Variants in FILIP1 observed in about 807,000 individuals in gnomAD.
The protein encoded by FILIP1 is filamin-A-interacting protein 1.
A neutral mutation model predicts 102.1 loss-of-function variants in FILIP1; 61 were observed. The observed-to-expected ratio is 0.60, with a 90% CI of 0.49 to 0.74. The LOEUF is 0.74. Among genes scored for constraint, FILIP1 ranks in the 30% least tolerant of loss-of-function variants. The pLI is 0.00. For synonymous variants in FILIP1, 491 were observed against 526.9 expected, an observed-to-expected ratio of 0.93 and a Z score of 0.93; for missense variants, 1,314 against 1,441.2, an observed-to-expected ratio of 0.91 and a Z score of 1.43.
intron 3 of FILIP1, among the ~76,000 whole-genome samples, chr6:75,359,456 A>G (rs1775109775): frequency 6.6e-6 from 1 of 152,208 alleles, no homozygotes; most frequent in Non-Finnish European, 1.5e-5. Context: ...AAGGCCCTTT[A>G]ATGAAGATTA....
chr6:75,365,941 G>A (rs1775314480), intron 2 of FILIP1: 1 of 152,156 alleles, frequency 6.6e-6, no homozygotes, highest in South Asian at 2.1e-4. Flanking sequence ...CCTATGCACA[G>A]TATCTGTAAG....
chr6:75,372,237 C>T (rs182547588), intron 2 of FILIP1, among the ~76,000 whole-genome samples: 1 of 151,834 alleles, frequency 6.6e-6, no homozygotes, highest in East Asian at 1.9e-4. Context: ...CGTGATGGTG[C>T]ATGCCTGTAA....
At chr6:75,448,095 C>A (rs886256519) in intron 1 of FILIP1, among the ~76,000 whole-genome samples, 5 of 152,100 alleles carry the variant, frequency 3.3e-5, no homozygotes, top group African/African-American at 9.7e-5. Flanking sequence ...AGATAGCATG[C>A]CAGACACTAA....
Position 75,313,545 on chromosome 6 carries a change from T to G in FILIP1, c.2287A>C (p.Lys763Gln). 5.6e-6 allele frequency: 9 copies of G among 1,614,254 alleles called. No homozygotes were observed. Among genetic ancestry groups the G allele is most frequent in the Non-Finnish European group, 7.6e-6 (9 of 1,180,050 alleles). ...QRFMEEENKN[K>Q]NMGQEVLNLT... ...TTGAGAACCTCCTGCCCCATGTTTTTGTTCTTATTTTCTTCTTCCATAAAT... is the reference window on the plus strand; with the variant it reads ...TTGAGAACCTCCTGCCCCATGTTTTGGTTCTTATTTTCTTCTTCCATAAAT... Residue 763 changes from lysine to glutamine, a missense_variant, in exon 5 of 6, where the codon AAA (lysine) becomes CAA (glutamine). This residue lies in a region of FILIP1 where 816 missense variants were observed against 913.1 expected (regional missense o/e 0.89). Coordinates refer to ENST00000237172, the MANE Select transcript of FILIP1 (RefSeq NM_015687.5). The surrounding 1 kb of genome is among the most constrained non-coding windows in gnomAD (Gnocchi z 4.2).
At chr6:75,394,415 T>C (rs1776387978) in intron 2 of FILIP1, among the ~76,000 whole-genome samples, 1 of 152,022 alleles carries the variant, frequency 6.6e-6, no homozygotes. Context: ...TCAGAAGCCA[T>C]AAAACAAAAA....
intron 1 of FILIP1, among the ~76,000 whole-genome samples, chr6:75,420,768 T>C (rs1276979375): frequency 1.3e-5 from 2 of 152,214 alleles, no homozygotes; most frequent in Admixed American, 6.6e-5. Flanking sequence ...TTTGTACATT[T>C]GCTTGTTCTC....
Position 75,372,725 on chromosome 6 carries a change from A to G in FILIP1, c.277-9808T>C, listed in dbSNP as rs1179702684. Among the ~76,000 whole-genome samples, 9 of 67,682 alleles carry G rather than the reference A, an allele frequency of 1.3e-4. 1 individual carries two copies. Among genetic ancestry groups the G allele is most frequent in the African/African-American group, 7.7e-4 (9 of 11,704 alleles). 44.4% of individuals were successfully genotyped at this position (67,682 alleles called of 152,430 possible). A position where few individuals can be genotyped will look rare whatever the true frequency, so the allele number is the denominator to read the frequency against. On this transcript the variant is annotated intron_variant, in intron 2 of 5. Transcript: ENST00000237172. ...AGAAAGAAAGAAAGGAAAGAAAGAGAAAGAGAAAGAAAGAAAGAAAGAAAG... is the reference window on the plus strand; with the variant it reads ...AGAAAGAAAGAAAGGAAAGAAAGAGGAAGAGAAAGAAAGAAAGAAAGAAAG...
At chr6:75,462,235 C>T (rs932182690) in intron 1 of FILIP1, among the ~76,000 whole-genome samples, 1 of 152,126 alleles carries the variant, frequency 6.6e-6, no homozygotes, top group African/African-American at 2.4e-5. Flanking sequence ...ATTTAACAAC[C>T]AATCAGAATG....
At chr6:75,302,260 A>G (rs1562421194) in intron 6 of FILIP1, among the ~76,000 whole-genome samples, 1 of 152,122 alleles carries the variant, frequency 6.6e-6, no homozygotes. Flanking sequence ...AAATGACAGT[A>G]CCTGGACTTC....
chr6:75,303,860 G>A (rs1181190268), downstream of FILIP1, among the ~76,000 whole-genome samples: 2 of 152,032 alleles, frequency 1.3e-5, no homozygotes, highest in Non-Finnish European at 2.9e-5. Context: ...AAAAGAAGTA[G>A]AATATAACCA....
chr6:75,487,334 C>T (rs1019448037), intron 1 of FILIP1, among the ~76,000 whole-genome samples: 1 of 152,104 alleles, frequency 6.6e-6, no homozygotes, highest in Non-Finnish European at 1.5e-5. Context: ...AACTACAGGG[C>T]TCCAAATACA....
At chr6:75,479,868 CAAAAA>C (rs58566488) in intron 1 of FILIP1, among the ~76,000 whole-genome samples, 1 of 42,866 alleles carries the variant, frequency 2.3e-5, no homozygotes, top group Non-Finnish European at 4.3e-5. Context: ...AGCTGTATCT[CAAAAA>C]AAAAAAAAAA....
At chr6:75,345,311 C>T (rs997417498) in intron 4 of FILIP1, among the ~76,000 whole-genome samples, 2 of 151,328 alleles carry the variant, frequency 1.3e-5, no homozygotes, top group African/African-American at 4.9e-5. Flanking sequence ...GTATGGAAGT[C>T]CTTGGTAAGG....
intron 1 of FILIP1, among the ~76,000 whole-genome samples, chr6:75,471,393 C>T (rs1272030711): frequency 6.6e-6 from 1 of 151,960 alleles, no homozygotes; most frequent in Non-Finnish European, 1.5e-5. Flanking sequence ...CACAGAAGAA[C>T]TAATAAAAAT....
chr6:75,336,196 G>A (rs1385046524), intron 4 of FILIP1, among the ~76,000 whole-genome samples: 2 of 152,144 alleles, frequency 1.3e-5, no homozygotes, highest in Non-Finnish European at 2.9e-5. Flanking sequence ...TAGTGCTGGG[G>A]GAAGAGGCGT....
At chr6:75,467,368 T>C (rs921428047) in intron 1 of FILIP1, among the ~76,000 whole-genome samples, 3 of 152,214 alleles carry the variant, frequency 2.0e-5, no homozygotes, top group Non-Finnish European at 4.4e-5. Context: ...GGGTGACTGC[T>C]GACCCACAGG....
At chr6:75,446,606 T>C (rs1044089132) in intron 1 of FILIP1, among the ~76,000 whole-genome samples, 10 of 152,154 alleles carry the variant, frequency 6.6e-5, no homozygotes, top group African/African-American at 2.4e-4. Flanking sequence ...TCCTTGACTT[T>C]CACTTGGACA....
At chr6:75,445,666 G>C (rs1361037478) in intron 1 of FILIP1, among the ~76,000 whole-genome samples, 1 of 149,584 alleles carries the variant, frequency 6.7e-6, no homozygotes, top group Admixed American at 6.6e-5. Flanking sequence ...GCACATCATA[G>C]CCAACACAAT....
At chr6:75,424,575 T>C (rs1045315991) in intron 1 of FILIP1, among the ~76,000 whole-genome samples, 4 of 152,186 alleles carry the variant, frequency 2.6e-5, no homozygotes, top group Admixed American at 2.6e-4. Flanking sequence ...ACTGTTTTTT[T>C]AAAGTAACTG....
Sources: gnomAD v4.1 joint callset for allele counts (sites outside exome capture counted in the v4.1 genomes callset) on GRCh38, gnomAD v4.1.1 for gene constraint, gnomAD v4.1.1 regional missense constraint, Gnocchi (gnomAD v3.1) non-coding constraint, MANE v1.5 for transcripts, NCBI Gene and HGNC (gene_info 2026-07-23, HGNC 2026-07-21) for gene names.